FAM53A: variants seen among roughly 807,000 people sequenced by gnomAD.
FAM53A encodes the protein protein FAM53A.
In FAM53A, 28 loss-of-function variants were observed where a neutral mutation model predicts 26.6. The ratio of observed to expected loss-of-function variants is 1.05; its 90% CI spans 0.78 to 1.45. The LOEUF is 1.45. Among genes scored for constraint, FAM53A ranks in the 40% most tolerant of loss-of-function variants. The pLI, the probability that FAM53A is intolerant of heterozygous loss-of-function variation, is 0.00. For synonymous variants in FAM53A, 290 were observed against 253.1 expected, an observed-to-expected ratio of 1.15 and a Z score of -1.38; for missense variants, 650 against 575.8, an observed-to-expected ratio of 1.13 and a Z score of -1.32.
In FAM53A at chr4:1,655,239, G is replaced by A. The variant is rs765132347; in HGVS notation, c.621C>T (p.Leu207=). 1.3e-5 allele frequency: 19 copies of A among 1,505,250 alleles called. No homozygotes were observed. Among genetic ancestry groups the A allele is most frequent in the Non-Finnish European group, 1.6e-5 (18 of 1,137,478 alleles). The allele number at this position is 1,505,250 out of a possible 1,614,324, so 93.2% of individuals were successfully genotyped here. A position where few individuals can be genotyped will look rare whatever the true frequency, so the allele number is the denominator to read the frequency against. The change falls in exon 4 of 5, where the codon CTC becomes CTT. Residue 207 remains leucine, a synonymous_variant. Coordinates refer to ENST00000308132, the MANE Select transcript of FAM53A (RefSeq NM_001174070.3). The part of the protein sequence containing the change: ...SSEGSAGSGP[L]WCSAESCLPS... ...GCAAGCAGGACTCCGCGGAACACCA[G>A]AGCGGGCCTGAGCCCGCACTGCCCT...
chr4:1,585,939 G>A, the FAM53A span, among the ~76,000 whole-genome samples: 1 of 151,904 alleles, frequency 6.6e-6, no homozygotes, highest in African/African-American at 2.4e-5. Context: ...GTTTCACCAT[G>A]TTGCTTGGGC....
chr4:1,677,279 A>G (rs527359404), intron 1 of FAM53A, among the ~76,000 whole-genome samples: 8 of 152,224 alleles, frequency 5.3e-5, no homozygotes, highest in Non-Finnish European at 7.3e-5. Context: ...ACGTCCTTCC[A>G]GCCTGGCTCA....
downstream of FAM53A, among the ~76,000 whole-genome samples, chr4:1,616,167 G>T (rs1324022771): frequency 6.6e-6 from 1 of 152,220 alleles, no homozygotes; most frequent in Non-Finnish European, 1.5e-5. Context: ...TGAGACTGCG[G>T]AGCGACATGA....
intron 1 of FAM53A, among the ~76,000 whole-genome samples, chr4:1,629,348 G>GGCCAGGCCAGACC (rs1257496255): frequency 2.6e-5 from 4 of 152,222 alleles, no homozygotes; most frequent in African/African-American, 7.2e-5. Flanking sequence ...CGAAGCCTCA[G>GGCCAGGCCAGACC]GCCAGGCCAG....
At chr4:1,613,442 G>A (rs116184209), downstream of FAM53A, among the ~76,000 whole-genome samples, 776 of 152,334 alleles carry the variant, frequency 5.1e-3, no homozygotes, top group Non-Finnish European at 8.8e-3. Context: ...TCTCCCAAAG[G>A]CCCTGCGTCT....
chr4:1,657,384 G>A (rs767377697), intron 3 of FAM53A, 24 bp downstream of exon 3: 17 of 1,609,794 alleles, frequency 1.1e-5, no homozygotes, highest in East Asian at 4.5e-5. Flanking sequence ...TCAGGCCTCC[G>A]GCCACAGCTC....
At chr4:1,597,966 A>G in the FAM53A span, among the ~76,000 whole-genome samples, 1 of 152,250 alleles carries the variant, frequency 6.6e-6, no homozygotes, top group African/African-American at 2.4e-5. Flanking sequence ...ACTGCACTCC[A>G]GCCTCGGCAA....
At chr4:1,644,312 G>A (rs1019680628) in intron 4 of FAM53A, 10 of 1,535,982 alleles carry the variant, frequency 6.5e-6, no homozygotes, top group East Asian at 4.9e-5. Flanking sequence ...CCTCGGACGC[G>A]GGACTCGCAC....
intron 1 of FAM53A, among the ~76,000 whole-genome samples, chr4:1,629,061 G>A (rs1006458148): frequency 1.3e-5 from 2 of 151,992 alleles, no homozygotes; most frequent in African/African-American, 4.8e-5. Context: ...GTCCACCCCA[G>A]GATGTGCGCC....
the FAM53A span, among the ~76,000 whole-genome samples, chr4:1,584,998 T>C: frequency 1.3e-5 from 2 of 152,224 alleles, no homozygotes; most frequent in Non-Finnish European, 2.9e-5. Context: ...TAAAATTATA[T>C]ATGTTTACTA....
At chr4:1,607,982 C>T in the FAM53A span, among the ~76,000 whole-genome samples, 43 of 149,994 alleles carry the variant, frequency 2.9e-4, no homozygotes, top group African/African-American at 8.6e-4. Flanking sequence ...TGTGGTAGCA[C>T]GAGCCTGTAA....
chr4:1,610,250 C>T, the FAM53A span, among the ~76,000 whole-genome samples: 2 of 152,020 alleles, frequency 1.3e-5, no homozygotes, highest in African/African-American at 4.8e-5. Flanking sequence ...GCTGCCCCCA[C>T]ACCAAGAATT....
downstream of FAM53A, among the ~76,000 whole-genome samples, chr4:1,637,028 T>G (rs1281672777): frequency 1.3e-5 from 2 of 152,178 alleles, no homozygotes; most frequent in Non-Finnish European, 2.9e-5. Context: ...GAGCTCCCGC[T>G]GCACCAGAGC....
intron 1 of FAM53A, among the ~76,000 whole-genome samples, chr4:1,632,910 C>T (rs1013515102): frequency 6.6e-6 from 1 of 152,228 alleles, no homozygotes; most frequent in Admixed American, 6.5e-5. Context: ...AATGTAGGCA[C>T]ACATGTAGTT....
chr4:1,634,793 G>A (rs190372745), intron 1 of FAM53A, among the ~76,000 whole-genome samples: 119 of 152,138 alleles, frequency 7.8e-4, no homozygotes, highest in African/African-American at 2.7e-3. Context: ...CCAGTTACTC[G>A]GGAGGCTGAG....
Position 1,655,206 on chromosome 4 carries a change from C to A in FAM53A, c.654G>T (p.Thr218=). The change falls in exon 4 of 5, where the codon ACG becomes ACT. Residue 218 remains threonine, a synonymous_variant. Transcript: ENST00000308132. ...CCTGTGAGAGGGACGGGCGGCGCCTCGTGGAGGGCAAGCAGGACTCCGCGG... is the reference window on the plus strand; with the variant it reads ...CCTGTGAGAGGGACGGGCGGCGCCTAGTGGAGGGCAAGCAGGACTCCGCGG... The part of the protein sequence containing the change: ...WCSAESCLPS[T]RRRPSLSQER... 1.3e-6 allele frequency: 2 copies of A among 1,556,078 alleles called. No individual in the cohort carries two copies.
the FAM53A span, among the ~76,000 whole-genome samples, chr4:1,579,758 G>C: frequency 6.6e-6 from 1 of 152,162 alleles, no homozygotes; most frequent in Non-Finnish European, 1.5e-5. Flanking sequence ...CCACGGGCTG[G>C]CCAGGAGTGT....
intron 1 of FAM53A, among the ~76,000 whole-genome samples, chr4:1,623,555 G>T (rs116446958): frequency 0.21 from 31,780 of 152,252 alleles, 3,949 homozygotes; most frequent in Non-Finnish European, 0.28. Flanking sequence ...CGGCGGCCTG[G>T]CCGGCCCCTC....
chr4:1,655,770 CA>C, intron 3 of FAM53A, 47 bp from the exon 4 acceptor site: 3 of 1,485,024 alleles, frequency 2.0e-6, no homozygotes, highest in Non-Finnish European at 2.7e-6. Flanking sequence ...AGGTGAGCCA[CA>C]GGGCAGGCGA....
Sources: gnomAD v4.1 joint callset for allele counts (sites outside exome capture counted in the v4.1 genomes callset) on GRCh38, gnomAD v4.1.1 for gene constraint, MANE v1.5 for transcripts, NCBI Gene and HGNC (gene_info 2026-07-23, HGNC 2026-07-21) for gene names.